HCRTR2: variants seen among roughly 807,000 people sequenced by gnomAD.
HCRTR2 encodes hypocretin receptor 2, also known as orexin receptor type 2.
Under a neutral mutation model 49.0 loss-of-function variants are expected in HCRTR2, and 22 were observed. That is an observed-to-expected ratio of 0.45 (90% CI 0.32 to 0.64). The LOEUF (loss-of-function observed/expected upper bound fraction) is 0.64, where lower values mean the gene tolerates loss of function less well. Among genes scored for constraint, HCRTR2 ranks in the 30% least tolerant of loss-of-function variants. HCRTR2 has a pLI of 0.04. For missense variants in HCRTR2, 491 were observed against 559.4 expected, an observed-to-expected ratio of 0.88 and a Z score of 1.23; for synonymous variants, 236 against 205.3, an observed-to-expected ratio of 1.15 and a Z score of -1.28.
chr6:55,133,667 AT>A (rs1163313880), intron 1 of HCRTR2, among the ~76,000 whole-genome samples: 3 of 33,270 alleles, frequency 9.0e-5, no homozygotes, highest in Non-Finnish European at 6.7e-5. Flanking sequence ...TCTATCATCT[AT>A]CTATCTATCT....
In HCRTR2 at chr6:55,248,802, G is replaced by A; in HGVS notation, c.387G>A (p.Val129=). Residue 129 remains valine, a synonymous_variant, in exon 2 of 7, where the codon GTG becomes GTA. Transcript: ENST00000370862. ...TTTTTGGACAGTCCCTTTGCAAAGT[G>A]ATTCCTTATCTACAGGTAATTGTTT... ...TWFFGQSLCK[V]IPYLQTVSVS... 1 of 1,613,100 alleles carries A rather than the reference G, an allele frequency of 6.2e-7. No individual in the cohort carries two copies. Among genetic ancestry groups the A allele is most frequent in the Non-Finnish European group, 8.5e-7 (1 of 1,179,250 alleles).
intron 1 of HCRTR2, among the ~76,000 whole-genome samples, chr6:55,230,554 T>C (rs1766094753): frequency 6.6e-6 from 1 of 152,210 alleles, no homozygotes; most frequent in Non-Finnish European, 1.5e-5. Flanking sequence ...AAGACATTTT[T>C]CACTGTCACC....
intron 1 of HCRTR2, among the ~76,000 whole-genome samples, chr6:55,164,705 G>A (rs112157958): frequency 1.2e-3 from 183 of 152,032 alleles, no homozygotes; most frequent in Middle Eastern, 3.4e-3. Context: ...GCAAACCACC[G>A]TGGCACATGT....
At chr6:55,156,544 C>A (rs1181788531) in intron 1 of HCRTR2, among the ~76,000 whole-genome samples, 1 of 151,544 alleles carries the variant, frequency 6.6e-6, no homozygotes, top group African/African-American at 2.4e-5. Flanking sequence ...AACTGTCTCT[C>A]TCTCACTCTC....
At chr6:55,224,179 A>G (rs1765952326) in intron 1 of HCRTR2, among the ~76,000 whole-genome samples, 1 of 152,228 alleles carries the variant, frequency 6.6e-6, no homozygotes, top group African/African-American at 2.4e-5. Context: ...AAATAGGACT[A>G]CCATATGGTC....
intron 1 of HCRTR2, among the ~76,000 whole-genome samples, chr6:55,229,329 G>T (rs1465393921): frequency 6.6e-6 from 1 of 152,000 alleles, no homozygotes; most frequent in African/African-American, 2.4e-5. Context: ...GTGCTGGCTT[G>T]GAATATTTTT....
chr6:55,129,943 A>G (rs1302739678), intron 1 of HCRTR2, among the ~76,000 whole-genome samples: 3 of 151,898 alleles, frequency 2.0e-5, no homozygotes, highest in Non-Finnish European at 4.4e-5. Flanking sequence ...CTTACTTTGT[A>G]TTTAGTAATG....
intron 1 of HCRTR2, among the ~76,000 whole-genome samples, chr6:55,201,875 C>T (rs1194885414): frequency 6.6e-6 from 1 of 152,168 alleles, no homozygotes; most frequent in East Asian, 1.9e-4. Flanking sequence ...CTATTAACAG[C>T]TACTTACATT....
chr6:55,167,192 T>A (rs60866755), intron 1 of HCRTR2, among the ~76,000 whole-genome samples: 26,005 of 152,130 alleles, frequency 0.17, 2,548 homozygotes, highest in Non-Finnish European at 0.23. Context: ...AAAAATCTTA[T>A]CAATAACAAA....
At chr6:55,180,474 G>A (rs1474496407) in intron 1 of HCRTR2, among the ~76,000 whole-genome samples, 1 of 152,206 alleles carries the variant, frequency 6.6e-6, no homozygotes, top group Non-Finnish European at 1.5e-5. Context: ...CTGAGGATGA[G>A]CTCATTTGAT....
At chr6:55,127,954 T>C (rs1013636532) in intron 1 of HCRTR2, among the ~76,000 whole-genome samples, 3 of 152,346 alleles carry the variant, frequency 2.0e-5, no homozygotes, top group African/African-American at 4.8e-5. Context: ...ATTTTTGCTT[T>C]TGTTGCAATT....
chr6:55,153,473 T>C (rs934096541), intron 1 of HCRTR2, among the ~76,000 whole-genome samples: 1 of 151,990 alleles, frequency 6.6e-6, no homozygotes, highest in Non-Finnish European at 1.5e-5. Flanking sequence ...TATCTAAACA[T>C]AGAAAAAGTA....
At chr6:55,233,876 T>C (rs1204082481) in intron 1 of HCRTR2, among the ~76,000 whole-genome samples, 1 of 152,236 alleles carries the variant, frequency 6.6e-6, no homozygotes, top group Non-Finnish European at 1.5e-5. Context: ...TGGAAATCCA[T>C]GTATGTTAGT....
At chr6:55,233,217 T>C (rs545325562) in intron 1 of HCRTR2, among the ~76,000 whole-genome samples, 77 of 151,682 alleles carry the variant, frequency 5.1e-4, no homozygotes, top group Non-Finnish European at 9.3e-4. Flanking sequence ...GCATCCCGAG[T>C]AGCTGGGATT....
intron 1 of HCRTR2, among the ~76,000 whole-genome samples, chr6:55,242,850 G>C (rs1390052701): frequency 6.6e-6 from 1 of 152,260 alleles, no homozygotes; most frequent in African/African-American, 2.4e-5. Context: ...AATGGCAAAG[G>C]CCATTTTAAA....
intron 6 of HCRTR2, among the ~76,000 whole-genome samples, chr6:55,280,908 A>G (rs1296428886): frequency 6.6e-6 from 1 of 152,132 alleles, no homozygotes; most frequent in Non-Finnish European, 1.5e-5. Flanking sequence ...AATATTTCCC[A>G]CTGACTACCA....
chr6:55,184,378 A>G (rs1055493493), intron 1 of HCRTR2, among the ~76,000 whole-genome samples: 1 of 152,262 alleles, frequency 6.6e-6, no homozygotes, highest in East Asian at 1.9e-4. Flanking sequence ...TGAGGTTTCA[A>G]TGCATCACTG....
At chr6:55,227,681 C>G (rs1017957543) in intron 1 of HCRTR2, among the ~76,000 whole-genome samples, 2 of 152,154 alleles carry the variant, frequency 1.3e-5, no homozygotes, top group African/African-American at 4.8e-5. Context: ...CATCACTAGT[C>G]TCCCCATGGT....
At chr6:55,150,321 T>TATC (rs1256090263) in intron 1 of HCRTR2, among the ~76,000 whole-genome samples, 3 of 151,434 alleles carry the variant, frequency 2.0e-5, no homozygotes, top group African/African-American at 7.3e-5. Context: ...TCTTTCTTCT[T>TATC]ATTATTATTA....
Sources: allele counts gnomAD v4.1 joint callset (sites outside exome capture counted in the v4.1 genomes callset), GRCh38; gene constraint gnomAD v4.1.1; transcripts MANE v1.5; gene names NCBI Gene and HGNC (gene_info 2026-07-23, HGNC 2026-07-21).